The following CHRDL2 variants were observed in gnomAD, a reference collection of about 807,000 sequenced individuals.
CHRDL2 encodes the protein chordin-like protein 2.
CHRDL2 carries 41 observed loss-of-function variants against 54.3 expected under a neutral mutation model. The observed-to-expected ratio is 0.76, with a 90% CI of 0.59 to 0.98. CHRDL2 has a LOEUF of 0.98. CHRDL2 is among the 50% of genes least tolerant of loss of function. CHRDL2 has a pLI of 0.00. For missense variants in CHRDL2, 518 were observed against 562.4 expected (o/e 0.92, Z 0.80); for synonymous variants, 220 against 224.3 (o/e 0.98, Z 0.17).
Position 74,725,167 on chromosome 11 carries a change from AT to A in CHRDL2, c.82+5639del, listed in dbSNP as rs1245662110. Among the ~76,000 whole-genome samples the A allele has an allele frequency of 9.9e-5, 15 of 151,790 alleles. No individual in the cohort carries two copies. The South Asian group carries it at 3.1e-3, about 32-fold the overall frequency. Reference sequence around the variant, plus strand: ...GCCACCACGCCCAGCTAATTTTTGTATTTTTAGTAGAGATGGGGTTTCACCA... The same window carrying A: ...GCCACCACGCCCAGCTAATTTTTGTATTTTAGTAGAGATGGGGTTTCACCA... On this transcript the variant is annotated intron_variant, in intron 1 of 10. Transcript: ENST00000376332.
intron 9 of CHRDL2, among the ~76,000 whole-genome samples, chr11:74,702,221 C>A (rs2033840446): frequency 1.3e-5 from 2 of 150,972 alleles, no homozygotes; most frequent in African/African-American, 4.9e-5. Context: ...CATGCCACTG[C>A]ACTCCAGCCT....
At chr11:74,703,000 T>G (rs775403692) in intron 8 of CHRDL2, 33 bp from the exon 9 acceptor site, 4 of 1,566,634 alleles carry the variant, frequency 2.6e-6, no homozygotes, top group Middle Eastern at 1.7e-4. Context: ...AAGTGTTCAA[T>G]AAACGTTGGC....
At chr11:74,728,857 A>G (rs1341552326) in intron 1 of CHRDL2, among the ~76,000 whole-genome samples, 2 of 152,156 alleles carry the variant, frequency 1.3e-5, no homozygotes, top group Non-Finnish European at 2.9e-5. Flanking sequence ...GTGCCAGTCC[A>G]CCTCACCCTA....
chr11:74,717,987 C>T (rs2034408190), intron 2 of CHRDL2, among the ~76,000 whole-genome samples: 1 of 152,164 alleles, frequency 6.6e-6, no homozygotes, highest in Non-Finnish European at 1.5e-5. Flanking sequence ...ATTTATTCTA[C>T]CCAGTTGATT....
rs2034071887 is a variant in CHRDL2 at position 74,708,241 on chromosome 11, A to G, written c.526+61T>C. On this transcript the variant is annotated intron_variant, in intron 5 of 10. Coordinates refer to ENST00000376332, the MANE Select transcript of CHRDL2 (RefSeq NM_001278473.3). ...CAGTTCCTCACGGCTCTCACAGTCC[A>G]TGGCTAGGCCCATGGAGTGGAGGGG... The G allele has an allele frequency of 4.9e-6, 6 of 1,223,824 alleles. No homozygotes were observed. The East Asian group carries it at 1.2e-4, about 24-fold the overall frequency. 75.8% of individuals were successfully genotyped at this position (1,223,824 alleles called of 1,614,324 possible).
Position 74,718,719 on chromosome 11 carries a change from C to CAG in CHRDL2, c.195_195+1insCT (p.Gly66LeufsTer5). On this transcript the variant is annotated frameshift_variant and splice_region_variant. Coordinates refer to ENST00000376332, the MANE Select transcript of CHRDL2 (RefSeq NM_001278473.3). LOFTEE classifies it high-confidence loss of function. The stretch of plus-strand genomic sequence containing the variant: ...GTGGTCAGGTGGCCAGAGGAACCTA[C>CAG]CTCTGAGCAGGTACAGCGCAGGCAG... 5 of 1,608,638 alleles carry CAG rather than the reference C, an allele frequency of 3.1e-6. No individual in the cohort carries two copies. Among genetic ancestry groups the CAG allele is most frequent in the Non-Finnish European group, 4.3e-6 (5 of 1,175,840 alleles).
intron 5 of CHRDL2, among the ~76,000 whole-genome samples, chr11:74,707,023 G>T (rs1408780701): frequency 6.6e-6 from 1 of 152,018 alleles, no homozygotes; most frequent in African/African-American, 2.4e-5. Context: ...CAGCCCCTTC[G>T]CCCCTCCAGC....
In CHRDL2 at chr11:74,731,068, G is replaced by A. The variant is rs971753506; in HGVS notation, c.-180C>T. ...GCAGGAAAGGAGGGCAGGAAGGGAG[G>A]TCTAAGGTGGGAAGAAGAGAAAGGT... On this transcript the variant is annotated 5_prime_UTR_variant, in exon 1 of 11. Coordinates refer to ENST00000376332, the MANE Select transcript of CHRDL2 (RefSeq NM_001278473.3). This position sits in a 1 kb window ranked among gnomAD's most constrained non-coding sequence, Gnocchi z 4.4. 3 of 597,458 alleles carry A rather than the reference G, an allele frequency of 5.0e-6. No individual in the cohort carries two copies. Among genetic ancestry groups the A allele is most frequent in the East Asian group, 5.7e-5 (2 of 35,386 alleles). 37.0% of individuals were successfully genotyped at this position (597,458 alleles called of 1,614,324 possible). A position where few individuals can be genotyped will look rare whatever the true frequency, so the allele number is the denominator to read the frequency against.
At chr11:74,723,261 G>A (rs1263293095) in intron 1 of CHRDL2, among the ~76,000 whole-genome samples, 1 of 152,186 alleles carries the variant, frequency 6.6e-6, no homozygotes, top group Non-Finnish European at 1.5e-5. Context: ...TTTCGGGACT[G>A]AACACATACG....
At chr11:74,723,833 A>T (rs1189051078) in intron 1 of CHRDL2, among the ~76,000 whole-genome samples, 1 of 152,244 alleles carries the variant, frequency 6.6e-6, no homozygotes, top group Non-Finnish European at 1.5e-5. Context: ...AAACGTATGA[A>T]TTCTTTATTT....
chr11:74,702,743 G>T (rs1052841209), intron 9 of CHRDL2, 51 bp downstream of exon 9: 1 of 1,601,326 alleles, frequency 6.2e-7, no homozygotes, highest in East Asian at 2.2e-5. Flanking sequence ...TGGGGCACGG[G>T]AAGGGGGACT....
Position 74,702,764 on chromosome 11 carries a change from A to C in CHRDL2, c.1120+30T>G, listed in dbSNP as rs759952940. The C allele has an allele frequency of 1.9e-6, 3 of 1,609,708 alleles. No individual in the cohort carries two copies. In the Admixed American group the frequency reaches 5.0e-5, roughly 27 times the overall value. On this transcript the variant is annotated intron_variant, in intron 9 of 10. Transcript: ENST00000376332. ...ACGGGAAGGGGGACTGGCCAGAGGT[A>C]CACCCCACTGGGAGTGGGCCAGCAC...
intron 9 of CHRDL2, chr11:74,697,628 G>A (rs1230772489): frequency 2.1e-6 from 1 of 474,740 alleles, no homozygotes; most frequent in Non-Finnish European, 4.2e-6. Context: ...CTGACGTCCT[G>A]TCGCCTCCAC....
chr11:74,712,984 C>T (rs996881439), intron 3 of CHRDL2, among the ~76,000 whole-genome samples: 2 of 152,180 alleles, frequency 1.3e-5, no homozygotes, highest in African/African-American at 4.8e-5. Flanking sequence ...CTTCTGAGCT[C>T]CCCCAGTGGT....
intron 5 of CHRDL2, 58 bp from the exon 6 acceptor site, chr11:74,706,600 G>A (rs1220079035): frequency 6.5e-7 from 1 of 1,530,476 alleles, no homozygotes; most frequent in African/African-American, 1.4e-5. Context: ...GCTGGCTAGA[G>A]CCCTGAGGCC....
At chr11:74,714,025 T>C (rs1185920703) in intron 2 of CHRDL2, among the ~76,000 whole-genome samples, 1 of 152,078 alleles carries the variant, frequency 6.6e-6, no homozygotes, top group Non-Finnish European at 1.5e-5. Flanking sequence ...GGCCTGAAGT[T>C]CCTTCTCTTT....
Position 74,721,083 on chromosome 11 carries a change from G to A in CHRDL2, c.83-2251C>T, listed in dbSNP as rs533253921. On this transcript the variant is annotated intron_variant, in intron 1 of 10. Coordinates refer to ENST00000376332, the MANE Select transcript of CHRDL2 (RefSeq NM_001278473.3). ...AGTTCGCCTCTCACATTCCCAGCAA[G>A]CCAGCAAGGCCCGGCTGGCCCGTAT... is the stretch of plus-strand genomic sequence containing the variant. Among the ~76,000 whole-genome samples the A allele has an allele frequency of 4.2e-4, 64 of 152,276 alleles. 1 individual carries two copies. The highest frequency in any genetic ancestry group is 3.7e-3 in the Admixed American group (56 of 15,300).
At chr11:74,717,109 CAAAA>C (rs370739692) in intron 2 of CHRDL2, among the ~76,000 whole-genome samples, 20 of 151,518 alleles carry the variant, frequency 1.3e-4, no homozygotes, top group Admixed American at 6.6e-4. Context: ...AACAAACAAA[CAAAA>C]AAAAAAAACC....
At chr11:74,697,113 G>A (rs1482742907) in intron 10 of CHRDL2, 92 bp downstream of exon 10, 10 of 968,862 alleles carry the variant, frequency 1.0e-5, no homozygotes, top group Middle Eastern at 3.1e-4. Context: ...CCCTCCTCCC[G>A]GCACCAGCAG....
Sources: allele counts gnomAD v4.1 joint callset (sites outside exome capture counted in the v4.1 genomes callset), GRCh38; gene constraint gnomAD v4.1.1; non-coding constraint Gnocchi (gnomAD v3.1); transcripts MANE v1.5; gene names NCBI Gene and HGNC (gene_info 2026-07-23, HGNC 2026-07-21).